The following IFT43 variants were observed in gnomAD, a reference collection of about 807,000 sequenced individuals.
The protein encoded by IFT43 is intraflagellar transport 43, also known as intraflagellar transport protein 43 homolog.
Under a neutral mutation model 32.3 loss-of-function variants are expected in IFT43, and 33 were observed. The observed-to-expected ratio is 1.02, with a 90% CI of 0.77 to 1.37. The LOEUF (loss-of-function observed/expected upper bound fraction) is 1.37. Ranked by LOEUF, IFT43 falls within the 40% of genes most tolerant of loss-of-function variation. IFT43 has a pLI of 0.00. For synonymous variants in IFT43, 93 were observed against 98.2 expected (o/e 0.95, Z 0.31); for missense variants, 274 against 265.9 (o/e 1.03, Z -0.21).
intron 2 of IFT43, among the ~76,000 whole-genome samples, chr14:75,993,173 C>A (rs1275808188): frequency 6.6e-6 from 1 of 152,170 alleles, no homozygotes; most frequent in Non-Finnish European, 1.5e-5. Context: ...TTAACCTCTA[C>A]TGAGGTTGAA....
At chr14:76,054,941 A>G (rs1162140504) in intron 3 of IFT43, among the ~76,000 whole-genome samples, 1 of 152,184 alleles carries the variant, frequency 6.6e-6, no homozygotes, top group East Asian at 1.9e-4. Context: ...GAACTTCCAT[A>G]TCAGATTCTT....
intron 3 of IFT43, among the ~76,000 whole-genome samples, chr14:76,034,387 A>G (rs1001881670): frequency 2.6e-5 from 4 of 152,088 alleles, no homozygotes; most frequent in South Asian, 2.1e-4. Context: ...TCTAAACCTA[A>G]TCAGCTCTGA....
At chr14:76,049,942 T>C (rs2036882735) in intron 3 of IFT43, among the ~76,000 whole-genome samples, 1 of 152,180 alleles carries the variant, frequency 6.6e-6, no homozygotes, top group African/African-American at 2.4e-5. Context: ...TACCAACTTA[T>C]TTGGTCTTAT....
At chr14:76,004,476 A>C (rs1205666628) in intron 2 of IFT43, among the ~76,000 whole-genome samples, 4 of 151,874 alleles carry the variant, frequency 2.6e-5, no homozygotes, top group African/African-American at 9.7e-5. Flanking sequence ...GCTTTTTAGC[A>C]CTTTGACTAT....
intron 3 of IFT43, among the ~76,000 whole-genome samples, chr14:76,033,045 A>C (rs1399573629): frequency 6.6e-6 from 1 of 152,162 alleles, no homozygotes; most frequent in Non-Finnish European, 1.5e-5. Flanking sequence ...AAAGAGATGC[A>C]CTTTGAGTCA....
chr14:76,059,129 A>G, intron 4 of IFT43, 198 bp from the exon 5 acceptor site: 1 of 1,490,710 alleles, frequency 6.7e-7, no homozygotes, highest in Non-Finnish European at 8.9e-7. Context: ...TGTCCTCTGG[A>G]ATAGTGCATC....
intron 3 of IFT43, among the ~76,000 whole-genome samples, chr14:76,048,004 G>T (rs767597986): frequency 1.3e-5 from 2 of 152,010 alleles, no homozygotes; most frequent in African/African-American, 4.8e-5. Flanking sequence ...AACTAGGGAG[G>T]TTAAGTGACA....
At chr14:76,046,791 T>C (rs1285976386) in intron 3 of IFT43, among the ~76,000 whole-genome samples, 2 of 152,242 alleles carry the variant, frequency 1.3e-5, no homozygotes, top group Non-Finnish European at 2.9e-5. Flanking sequence ...TAATGAATGA[T>C]GAAACTTTGT....
intron 3 of IFT43, among the ~76,000 whole-genome samples, chr14:76,046,122 T>A (rs2036803230): frequency 6.6e-6 from 1 of 152,050 alleles, no homozygotes; most frequent in African/African-American, 2.4e-5. Flanking sequence ...CCAGAAAAAG[T>A]TGCTTTTTAG....
intron 5 of IFT43, among the ~76,000 whole-genome samples, chr14:76,062,631 A>G (rs2037157961): frequency 6.6e-6 from 1 of 152,116 alleles, no homozygotes; most frequent in South Asian, 2.1e-4. Flanking sequence ...AAATGCGTTA[A>G]GTCAGTCAGG....
chr14:76,080,925 T>A (rs1157498741), intron 5 of IFT43, among the ~76,000 whole-genome samples: 1 of 152,188 alleles, frequency 6.6e-6, no homozygotes, highest in Non-Finnish European at 1.5e-5. Flanking sequence ...GGGTGGTGGA[T>A]GTGTCTCTGC....
intron 2 of IFT43, among the ~76,000 whole-genome samples, chr14:76,005,711 G>A (rs2035968422): frequency 6.6e-6 from 1 of 152,132 alleles, no homozygotes; most frequent in African/African-American, 2.4e-5. Flanking sequence ...CTACCCAATT[G>A]CTGTACAGAC....
chr14:75,993,532 A>T (rs2035682690), intron 2 of IFT43, among the ~76,000 whole-genome samples: 3 of 152,344 alleles, frequency 2.0e-5, no homozygotes, highest in Admixed American at 1.3e-4. Flanking sequence ...TTTAGGATAG[A>T]TTAATTTTTC....
intron 2 of IFT43, among the ~76,000 whole-genome samples, chr14:75,996,955 T>A (rs1178888215): frequency 1.3e-5 from 2 of 152,216 alleles, no homozygotes; most frequent in African/African-American, 4.8e-5. Context: ...CTTCTAGAAC[T>A]TTGATTTAGG....
intron 5 of IFT43, among the ~76,000 whole-genome samples, chr14:76,061,184 A>G (rs950952149): frequency 2.0e-5 from 3 of 152,104 alleles, no homozygotes; most frequent in East Asian, 1.9e-4. Flanking sequence ...CCTGGCCTAC[A>G]TTGTTTCTGA....
At chr14:76,041,510 C>G (rs1468511624) in intron 3 of IFT43, among the ~76,000 whole-genome samples, 1 of 152,216 alleles carries the variant, frequency 6.6e-6, no homozygotes, top group African/African-American at 2.4e-5. Context: ...TTGAACCCCT[C>G]CAGCTGGGGA....
At chr14:76,023,923 A>G (rs2036341502) in intron 3 of IFT43, among the ~76,000 whole-genome samples, 1 of 152,224 alleles carries the variant, frequency 6.6e-6, no homozygotes, top group South Asian at 2.1e-4. Flanking sequence ...AGGGGTGTTC[A>G]AGAGAGAGAA....
chr14:75,999,264 TA>T (rs1566699544), intron 2 of IFT43, among the ~76,000 whole-genome samples: 266 of 25,992 alleles, frequency 0.01, 12 homozygotes, highest in African/African-American at 0.031. Flanking sequence ...TATATATATA[TA>T]TATATATGTA....
chr14:76,062,948 A>G (rs4992350), intron 5 of IFT43, among the ~76,000 whole-genome samples: 117,459 of 140,996 alleles, frequency 0.83, 49,138 homozygotes, highest in Non-Finnish European at 0.86. Flanking sequence ...AAAAGAAAAT[A>G]CATTAAGTCA....
Sources: gnomAD v4.1 joint callset for allele counts (sites outside exome capture counted in the v4.1 genomes callset) on GRCh38, gnomAD v4.1.1 for gene constraint, MANE v1.5 for transcripts, NCBI Gene and HGNC (gene_info 2026-07-23, HGNC 2026-07-21) for gene names.